LAMA2: variants seen among roughly 807,000 people sequenced by gnomAD.
LAMA2 encodes laminin subunit alpha-2.
A neutral mutation model predicts 364.8 loss-of-function variants in LAMA2; 269 were observed. The ratio of observed to expected loss-of-function variants is 0.74; its 90% CI spans 0.67 to 0.82. The LOEUF is 0.82. Ranked by LOEUF, LAMA2 falls within the 40% of genes least tolerant of loss-of-function variation. The pLI, the probability that LAMA2 is intolerant of heterozygous loss-of-function variation, is 0.00. For synonymous variants in LAMA2, 1,379 were observed against 1,370.6 expected (o/e 1.01, Z -0.14); for missense variants, 3,807 against 3,873.2 (o/e 0.98, Z 0.45).
chr6:129,493,740 G>A (rs981709545), intron 58 of LAMA2, among the ~76,000 whole-genome samples: 2 of 151,926 alleles, frequency 1.3e-5, no homozygotes, highest in South Asian at 2.1e-4. Flanking sequence ...ACTTTTAGTC[G>A]AGTTAATAAG....
intron 40 of LAMA2, among the ~76,000 whole-genome samples, chr6:129,414,434 G>A (rs1016687156): frequency 2.1e-4 from 32 of 151,966 alleles, no homozygotes; most frequent in African/African-American, 7.7e-4. Flanking sequence ...ATAAAACCCA[G>A]TTCAAATGTA....
At chr6:129,394,226 A>T (rs1779483198) in intron 37 of LAMA2, among the ~76,000 whole-genome samples, 1 of 152,220 alleles carries the variant, frequency 6.6e-6, no homozygotes, top group Non-Finnish European at 1.5e-5. Flanking sequence ...TGACTCCAAC[A>T]GGTCAGAAAA....
At chr6:129,448,706 C>T (rs1199431057) in intron 45 of LAMA2, among the ~76,000 whole-genome samples, 2 of 152,158 alleles carry the variant, frequency 1.3e-5, no homozygotes, top group East Asian at 3.9e-4. Flanking sequence ...TGTTTGAGTT[C>T]ATCATGATTA....
intron 34 of LAMA2, among the ~76,000 whole-genome samples, chr6:129,372,546 C>T (rs905404005): frequency 6.6e-6 from 1 of 152,182 alleles, no homozygotes; most frequent in African/African-American, 2.4e-5. Flanking sequence ...ATTCATTCCC[C>T]TACTGAAGGA....
At chr6:129,148,873 C>T in intron 6 of LAMA2, 106 bp from the exon 7 acceptor site, 1 of 834,560 alleles carries the variant, frequency 1.2e-6, no homozygotes, top group East Asian at 2.4e-5. Context: ...CATTTTAGTA[C>T]ACAGTCCAGA....
chr6:129,390,305 ATGCTGC>A (rs1324170055), intron 35 of LAMA2, among the ~76,000 whole-genome samples: 1 of 151,940 alleles, frequency 6.6e-6, no homozygotes, highest in African/African-American at 2.4e-5. Context: ...CAAGGTGGTG[ATGCTGC>A]TGCTGCTTAT....
intron 4 of LAMA2, among the ~76,000 whole-genome samples, chr6:129,110,174 A>C: frequency 6.6e-6 from 1 of 152,194 alleles, no homozygotes; most frequent in Admixed American, 6.6e-5. Flanking sequence ...CTGAACTGAA[A>C]ATTATAAACT....
intron 1 of LAMA2, among the ~76,000 whole-genome samples, chr6:129,035,747 C>G (rs963553879): frequency 1.3e-5 from 2 of 151,872 alleles, no homozygotes; most frequent in Non-Finnish European, 2.9e-5. Flanking sequence ...TGTCCTTTCC[C>G]CATTGCTTAT....
chr6:129,176,746 G>A (rs886289616), intron 9 of LAMA2, among the ~76,000 whole-genome samples: 1 of 151,410 alleles, frequency 6.6e-6, no homozygotes, highest in Non-Finnish European at 1.5e-5. Flanking sequence ...TTTTCCATAC[G>A]CTTTCTTGAC....
intron 1 of LAMA2, among the ~76,000 whole-genome samples, chr6:128,980,595 G>A (rs1329955386): frequency 1.3e-5 from 2 of 152,140 alleles, no homozygotes; most frequent in East Asian, 3.9e-4. Flanking sequence ...GCACATATCT[G>A]CTAAAGGAAT....
At chr6:129,403,566 T>G (rs574297392) in intron 39 of LAMA2, among the ~76,000 whole-genome samples, 125 of 152,250 alleles carry the variant, frequency 8.2e-4, no homozygotes, top group Non-Finnish European at 1.7e-3. Context: ...AGCACCTGGT[T>G]GCAGAGACTT....
intron 3 of LAMA2, among the ~76,000 whole-genome samples, chr6:129,069,438 G>A (rs1773158279): frequency 1.4e-5 from 2 of 147,734 alleles, no homozygotes; most frequent in Non-Finnish European, 1.5e-5. Context: ...TTAAAAATAA[G>A]GAATTAAAAA....
chr6:128,909,000 A>G (rs1426943884), intron 1 of LAMA2, among the ~76,000 whole-genome samples: 2 of 145,640 alleles, frequency 1.4e-5, no homozygotes, highest in Non-Finnish European at 3.0e-5. Flanking sequence ...GGTCTGAGAG[A>G]TAGTTTGTTA....
intron 28 of LAMA2, among the ~76,000 whole-genome samples, chr6:129,322,391 C>G (rs969453446): frequency 6.6e-6 from 1 of 152,132 alleles, no homozygotes; most frequent in Non-Finnish European, 1.5e-5. Flanking sequence ...AGTGACCTTT[C>G]CAGTGAGCAT....
At position 129,507,638 on chromosome 6, in the gene LAMA2, A is replaced by G; in HGVS notation, c.8853A>G (p.Lys2951=). ...ATTTTGACGGAACCGGTTTTGCCAA[A>G]GCAGGTAAGGCTCTTTCATTTCCTT... ...GTYFDGTGFA[K]AVGGFKVGLD... Residue 2951 remains lysine (K), a synonymous_variant, in exon 62 of 65, where the codon AAA becomes AAG. Coordinates refer to ENST00000421865, the MANE Select transcript of LAMA2 (RefSeq NM_000426.4). The G allele has an allele frequency of 6.2e-7, 1 of 1,614,158 alleles. No individual in the cohort carries two copies. Among genetic ancestry groups the G allele is most frequent in the Non-Finnish European group, 8.5e-7 (1 of 1,179,980 alleles).
intron 1 of LAMA2, among the ~76,000 whole-genome samples, chr6:129,029,016 G>C (rs1253601161): frequency 6.6e-6 from 1 of 151,802 alleles, no homozygotes; most frequent in Admixed American, 6.6e-5. Context: ...ATGTTTTCTA[G>C]ATATGATCTT....
At chr6:129,330,172 T>C (rs1319685159) in intron 29 of LAMA2, among the ~76,000 whole-genome samples, 3 of 151,830 alleles carry the variant, frequency 2.0e-5, no homozygotes, top group Admixed American at 6.6e-5. Context: ...TATATTACAA[T>C]GTAATAATAA....
chr6:129,482,706 G>T (rs1457605814), intron 55 of LAMA2, among the ~76,000 whole-genome samples: 1 of 152,100 alleles, frequency 6.6e-6, no homozygotes, highest in Non-Finnish European at 1.5e-5. Context: ...AGAACCCAAA[G>T]ATGTATAACC....
At chr6:128,897,929 G>A (rs1210222672) in intron 1 of LAMA2, among the ~76,000 whole-genome samples, 1 of 152,138 alleles carries the variant, frequency 6.6e-6, no homozygotes, top group African/African-American at 2.4e-5. Flanking sequence ...GTTAGACATC[G>A]AGAGTTTGAG....
Sources: gnomAD v4.1 joint callset for allele counts (sites outside exome capture counted in the v4.1 genomes callset) on GRCh38, gnomAD v4.1.1 for gene constraint, MANE v1.5 for transcripts, NCBI Gene and HGNC (gene_info 2026-07-23, HGNC 2026-07-21) for gene names.